The following COX6B1 variants were observed in gnomAD, a reference collection of about 807,000 sequenced individuals.
COX6B1 encodes COX VIb-1.
Under a neutral mutation model 14.0 loss-of-function variants are expected in COX6B1, and 2 were observed. That is an observed-to-expected ratio of 0.14 (90% CI 0.06 to 0.45). COX6B1 has a LOEUF of 0.45. COX6B1 is among the 20% of genes least tolerant of loss of function. The pLI is 0.98. For missense variants in COX6B1, 81 were observed against 114.2 expected (o/e 0.71, Z 1.33); for synonymous variants, 30 against 39.7 (o/e 0.76, Z 0.92).
At chr19:35,657,048 T>C (rs1001844352) in intron 3 of COX6B1, among the ~76,000 whole-genome samples, 2 of 152,112 alleles carry the variant, frequency 1.3e-5, no homozygotes, top group African/African-American at 4.8e-5. Context: ...AGACAGTTTT[T>C]CCACAGACAG....
chr19:35,653,090 G>C (rs6510503), intron 2 of COX6B1, among the ~76,000 whole-genome samples: 88,144 of 150,194 alleles, frequency 0.59, 27,216 homozygotes, highest in African/African-American at 0.8. Context: ...GCCTCAGCCT[G>C]CCGAGTAGCT....
At chr19:35,657,878 A>C (rs1967904580) in intron 3 of COX6B1, among the ~76,000 whole-genome samples, 1 of 152,018 alleles carries the variant, frequency 6.6e-6, no homozygotes, top group Admixed American at 6.6e-5. Flanking sequence ...GCTGGTCTCA[A>C]ACTCCTGGGC....
intron 3 of COX6B1, among the ~76,000 whole-genome samples, chr19:35,655,730 A>T (rs944730787): frequency 6.7e-6 from 1 of 150,204 alleles, no homozygotes; most frequent in African/African-American, 2.5e-5. Context: ...AGTAGCTTGG[A>T]CTACAGGCAT....
intron 1 of COX6B1, chr19:35,648,768 C>T (rs1967788965): frequency 3.9e-6 from 2 of 509,544 alleles, no homozygotes; most frequent in Non-Finnish European, 8.0e-6. Flanking sequence ...GGCTAATTCA[C>T]AGGCGTGGCC....
At chr19:35,648,958 C>T (rs577073476) in intron 1 of COX6B1, 2 of 532,772 alleles carry the variant, frequency 3.8e-6, no homozygotes, top group African/African-American at 3.8e-5. Context: ...GTGTTTTACA[C>T]CCCACTTCCC....
chr19:35,658,723 C>T lies in COX6B1; in HGVS notation c.*76C>T. ...GAAGGGGGACCTGGTACCCAGTGAT[C>T]CCCACCCCAGGATCCTAAATCATGA... On this transcript the variant is annotated 3_prime_UTR_variant, in exon 4 of 4. Coordinates refer to ENST00000649813, the MANE Select transcript of COX6B1 (RefSeq NM_001863.5). The T allele has an allele frequency of 2.3e-6, 3 of 1,325,574 alleles. No individual in the cohort carries two copies. The highest frequency in any genetic ancestry group is 1.2e-5 in the South Asian group (1 of 85,188). The allele number at this position is 1,325,574 out of a possible 1,614,324, so 82.1% of individuals were successfully genotyped here. A position where few individuals can be genotyped will look rare whatever the true frequency, so the allele number is the denominator to read the frequency against.
intron 3 of COX6B1, 101 bp from the exon 4 acceptor site, chr19:35,658,493 G>C: frequency 9.9e-7 from 1 of 1,014,064 alleles, no homozygotes; most frequent in East Asian, 2.5e-5. Flanking sequence ...GCAGGTACCT[G>C]TGGATATTGG....
chr19:35,651,378 C>T, intron 2 of COX6B1, 29 bp downstream of exon 2: 1 of 1,549,074 alleles, frequency 6.5e-7, no homozygotes, highest in South Asian at 1.1e-5. Flanking sequence ...TGGCCACATA[C>T]CTCGAGTCAC....
chr19:35,652,032 C>CTT (rs566646791), intron 2 of COX6B1, among the ~76,000 whole-genome samples: 3 of 142,992 alleles, frequency 2.1e-5, no homozygotes, highest in Admixed American at 7.0e-5. Flanking sequence ...TCCCTGCCTT[C>CTT]TTTTTTTTTT....
Position 35,650,655 on chromosome 19 carries a change from C to T in COX6B1, c.-11-578C>T, listed in dbSNP as rs568730630. ...TCTTGGAGGCGGAGTTTGCAGTGAG[C>T]CTAGGTCGTACCAGTGAGCCTGGGT... On this transcript the variant is annotated intron_variant, in intron 1 of 3. Transcript: ENST00000649813. Among the ~76,000 whole-genome samples the T allele has an allele frequency of 3.3e-5, 5 of 151,814 alleles. 1 individual carries two copies. In the South Asian group the frequency reaches 8.4e-4, roughly 25 times the overall value.
chr19:35,650,310 T>A (rs2146369459), intron 1 of COX6B1, among the ~76,000 whole-genome samples: 1 of 152,368 alleles, frequency 6.6e-6, no homozygotes, highest in Admixed American at 6.5e-5. Context: ...GCGAAAATTG[T>A]ATTCCTTAAT....
rs541464047 is a variant in COX6B1 at position 35,651,922 on chromosome 19, G to A, written c.106+573G>A. 1.9e-3 allele frequency among the ~76,000 whole-genome samples: 285 copies of A among 151,876 alleles called. 2 individuals are homozygous for A. In the South Asian group the frequency reaches 0.022, roughly 12 times the overall value. Reference sequence around the variant, plus strand: ...GTGCGTACTGTAACATGTACAGAAAGCACATAACAAACATGTACAGCTAAA... The same window carrying A: ...GTGCGTACTGTAACATGTACAGAAAACACATAACAAACATGTACAGCTAAA... On this transcript the variant is annotated intron_variant, in intron 2 of 3. Transcript: ENST00000649813.
chr19:35,654,703 C>G, intron 3 of COX6B1, 32 bp downstream of exon 3: 3 of 1,599,718 alleles, frequency 1.9e-6, no homozygotes, highest in South Asian at 1.1e-5. Flanking sequence ...CCTTGGGATG[C>G]TGGGGTGGGG....
chr19:35,648,857 G>A (rs1967790037), intron 1 of COX6B1: 1 of 533,402 alleles, frequency 1.9e-6, no homozygotes, highest in Non-Finnish European at 3.8e-6. Flanking sequence ...AGGGGCCGCA[G>A]CGTCATCTCC....
chr19:35,650,072 C>T (rs1001243064), intron 1 of COX6B1, among the ~76,000 whole-genome samples: 5 of 151,230 alleles, frequency 3.3e-5, no homozygotes, highest in Non-Finnish European at 7.4e-5. Context: ...GGCACAATCT[C>T]GGCTCACTAC....
At chr19:35,651,497 C>A in intron 2 of COX6B1, 148 bp downstream of exon 2, 1 of 691,212 alleles carries the variant, frequency 1.4e-6, no homozygotes, top group South Asian at 1.5e-5. Flanking sequence ...CTGTTCAGGT[C>A]CAGGCTAGGG....
At chr19:35,649,603 C>T (rs1967801808) in intron 1 of COX6B1, among the ~76,000 whole-genome samples, 1 of 151,812 alleles carries the variant, frequency 6.6e-6, no homozygotes, top group Admixed American at 6.6e-5. Context: ...CCCAGCCTCC[C>T]TGGTAGCTGG....
intron 1 of COX6B1, among the ~76,000 whole-genome samples, chr19:35,650,262 C>T (rs1399682882): frequency 6.6e-6 from 1 of 152,168 alleles, no homozygotes; most frequent in Non-Finnish European, 1.5e-5. Context: ...CCTGGCCTCC[C>T]AAAGTGCTAG....
chr19:35,649,057 C>G (rs1435109485), intron 1 of COX6B1: 4 of 425,916 alleles, frequency 9.4e-6, no homozygotes, highest in African/African-American at 2.0e-5. Flanking sequence ...CTGTATAGCC[C>G]CACGACTCCT....
Sources: allele counts gnomAD v4.1 joint callset (sites outside exome capture counted in the v4.1 genomes callset), GRCh38; gene constraint gnomAD v4.1.1; transcripts MANE v1.5; gene names NCBI Gene and HGNC (gene_info 2026-07-23, HGNC 2026-07-21).